CHCHD4: variants seen among roughly 807,000 people sequenced by gnomAD.
CHCHD4 encodes mitochondrial intermembrane space import and assembly protein 40.
CHCHD4 carries 7 observed loss-of-function variants against 12.4 expected under a neutral mutation model. That is an observed-to-expected ratio of 0.57 (90% confidence interval 0.32 to 1.06). The LOEUF is 1.06. CHCHD4 is among the 50% of genes least tolerant of loss of function. The pLI is 0.04. For missense variants in CHCHD4, 143 were observed against 175.1 expected (o/e 0.82, Z 1.03); for synonymous variants, 56 against 58.0 (o/e 0.97, Z 0.16).
chr3:14,120,383 C>T (rs1694920697), intron 1 of CHCHD4, among the ~76,000 whole-genome samples: 1 of 152,148 alleles, frequency 6.6e-6, no homozygotes, highest in Non-Finnish European at 1.5e-5. Flanking sequence ...CCCTGCACTC[C>T]AGCCACGCTG....
chr3:14,124,354 C>G (rs1251859621), intron 1 of CHCHD4, among the ~76,000 whole-genome samples: 2 of 152,198 alleles, frequency 1.3e-5, no homozygotes, highest in African/African-American at 4.8e-5. Flanking sequence ...GCAACGTGCT[C>G]GGCACTTCCC....
rs190925823 is a variant in CHCHD4 at position 14,114,263 on chromosome 3, G to A, written c.122-1069C>T. On this transcript the variant is annotated intron_variant, in intron 2 of 2. Transcript: ENST00000396914. ...CTTGTAAAATGGGGACAGCAAGGAC[G>A]ATGCCAACTAGTGCTGCCCCCTTAG... Among the ~76,000 whole-genome samples, 737 of 152,276 alleles carry A rather than the reference G, an allele frequency of 4.8e-3. 3 individuals carry two copies. The highest frequency in any genetic ancestry group is 8.6e-3 in the Non-Finnish European group (582 of 68,024).
chr3:14,113,526 T>C (rs1036093079), intron 2 of CHCHD4, among the ~76,000 whole-genome samples: 2 of 152,312 alleles, frequency 1.3e-5, no homozygotes, highest in East Asian at 3.9e-4. Flanking sequence ...GAGGAGCTTT[T>C]TGAAAGCCCA....
intron 2 of CHCHD4, 80 bp downstream of exon 2, chr3:14,116,346 A>G: frequency 9.8e-7 from 1 of 1,015,714 alleles, no homozygotes; most frequent in East Asian, 2.4e-5. Flanking sequence ...TGGCTAGGAA[A>G]ACATGGGAAA....
At chr3:14,115,691 C>T (rs749352946) in intron 2 of CHCHD4, among the ~76,000 whole-genome samples, 16 of 152,182 alleles carry the variant, frequency 1.1e-4, no homozygotes, top group Non-Finnish European at 1.8e-4. Context: ...ATTCTCGAGG[C>T]GGCTGCTTCA....
chr3:14,119,848 G>C lies in CHCHD4; in HGVS notation c.23-3324C>G, dbSNP rs190830181. Among the ~76,000 whole-genome samples the C allele has an allele frequency of 2.0e-5, 3 of 152,226 alleles. No individual in the cohort carries two copies. In the East Asian group the frequency reaches 5.8e-4, roughly 29 times the overall value. On this transcript the variant is annotated intron_variant, in intron 1 of 2. Transcript: ENST00000396914. ...CCTCAGAAACCAGGCCTTACCACCA[G>C]CTCCACCTACCTACCTCACGTGGTT...
chr3:14,112,673 G>C lies in CHCHD4; in HGVS notation c.*214C>G, dbSNP rs1694833460. 2 of 470,404 alleles carry C rather than the reference G, an allele frequency of 4.3e-6. No homozygotes were observed. The highest frequency in any genetic ancestry group is 7.4e-5 in the Admixed American group (2 of 26,880). 29.1% of individuals were successfully genotyped at this position (470,404 alleles called of 1,614,324 possible). A position where few individuals can be genotyped will look rare whatever the true frequency, so the allele number is the denominator to read the frequency against. Reference sequence around the variant, plus strand: ...TGAGAATTCAAAAGTGGCGGCCACAGGTTTGGGTAGGACACACATACATAC... The same window carrying C: ...TGAGAATTCAAAAGTGGCGGCCACACGTTTGGGTAGGACACACATACATAC... On this transcript the variant is annotated 3_prime_UTR_variant, in exon 3 of 3. Coordinates refer to ENST00000396914, the MANE Select transcript of CHCHD4 (RefSeq NM_001098502.2).
chr3:14,124,712 C>A lies in CHCHD4; in HGVS notation c.-36G>T. On this transcript the variant is annotated 5_prime_UTR_variant, in exon 1 of 3. Coordinates refer to ENST00000396914, the MANE Select transcript of CHCHD4 (RefSeq NM_001098502.2). Reference sequence around the variant, plus strand: ...CGTCCCTGAGACCTTGCAGAAGCGGCGGTGGCGGCAGCTGCACCTTTACGC... The same window carrying A: ...CGTCCCTGAGACCTTGCAGAAGCGGAGGTGGCGGCAGCTGCACCTTTACGC... 6.6e-7 allele frequency: 1 copy of A among 1,516,742 alleles called. No individual in the cohort carries two copies. The highest frequency in any genetic ancestry group is 8.8e-7 in the Non-Finnish European group (1 of 1,133,960). 94.0% of individuals were successfully genotyped at this position (1,516,742 alleles called of 1,614,324 possible). A position where few individuals can be genotyped will look rare whatever the true frequency, so the allele number is the denominator to read the frequency against.
Position 14,124,802 on chromosome 3 carries a change from A to C in CHCHD4, c.-126T>G, listed in dbSNP as rs1434915640. 1.7e-6 allele frequency: 2 copies of C among 1,157,598 alleles called. No homozygotes were observed. The highest frequency in any genetic ancestry group is 3.1e-5 in the African/African-American group (2 of 63,636). The allele number at this position is 1,157,598 out of a possible 1,614,324, so 71.7% of individuals were successfully genotyped here. A position where few individuals can be genotyped will look rare whatever the true frequency, so the allele number is the denominator to read the frequency against. ...AGCCCGCGCGGACCCGCCCCCTCCC[A>C]GGCCTGCCCGCCGCGCGCCTGCCTC... On this transcript the variant is annotated 5_prime_UTR_variant, in exon 1 of 3. Transcript: ENST00000396914.
chr3:14,120,650 G>A (rs536179138), intron 1 of CHCHD4, among the ~76,000 whole-genome samples: 1 of 152,188 alleles, frequency 6.6e-6, no homozygotes, highest in Non-Finnish European at 1.5e-5. Context: ...TGGAATGTCA[G>A]CTCCTCAGAG....
chr3:14,116,011 A>G (rs1574930870), intron 2 of CHCHD4, among the ~76,000 whole-genome samples: 1 of 152,118 alleles, frequency 6.6e-6, no homozygotes, highest in Non-Finnish European at 1.5e-5. Flanking sequence ...TGACCTTTTC[A>G]TGTAAGGTGC....
At chr3:14,121,321 A>G (rs1694931530) in intron 1 of CHCHD4, among the ~76,000 whole-genome samples, 1 of 152,220 alleles carries the variant, frequency 6.6e-6, no homozygotes, top group Non-Finnish European at 1.5e-5. Context: ...TTAATGTGCC[A>G]GTGTTTGTCC....
chr3:14,117,410 C>A (rs1385637642), intron 1 of CHCHD4, among the ~76,000 whole-genome samples: 2 of 152,204 alleles, frequency 1.3e-5, no homozygotes, highest in African/African-American at 4.8e-5. Context: ...CTTAGAGTGA[C>A]CCCCTATGAA....
rs938991177 is a variant in CHCHD4, at chr3:14,113,204, G to A, written c.122-10C>T. 1 of 1,587,062 alleles carries A rather than the reference G, an allele frequency of 6.3e-7. No homozygotes were observed. Among genetic ancestry groups the A allele is most frequent in the African/African-American group, 1.3e-5 (1 of 74,162 alleles). Reference sequence around the variant, plus strand: ...TTTGGCAGTATCAATCCTAGAACAGGAAGATAGAGAGATGTTCTCTAAAGT... The same window carrying A: ...TTTGGCAGTATCAATCCTAGAACAGAAAGATAGAGAGATGTTCTCTAAAGT... On this transcript the variant is annotated splice_polypyrimidine_tract_variant and intron_variant, in intron 2 of 2. Transcript: ENST00000396914.
chr3:14,118,977 A>G (rs2124977049), intron 1 of CHCHD4, among the ~76,000 whole-genome samples: 1 of 152,340 alleles, frequency 6.6e-6, no homozygotes, highest in South Asian at 2.1e-4. Context: ...TTTGCCATAC[A>G]TAGAGAGACC....
chr3:14,118,898 G>A (rs1327533795), intron 1 of CHCHD4, among the ~76,000 whole-genome samples: 1 of 152,346 alleles, frequency 6.6e-6, no homozygotes, highest in African/African-American at 2.4e-5. Flanking sequence ...GCAGCCCAAC[G>A]GGGAGGCCCA....
intron 1 of CHCHD4, among the ~76,000 whole-genome samples, chr3:14,120,104 C>A (rs1057319025): frequency 6.6e-6 from 1 of 152,158 alleles, no homozygotes; most frequent in Non-Finnish European, 1.5e-5. Flanking sequence ...TCAGTCCCCA[C>A]CCCAGAACCT....
chr3:14,122,306 A>G (rs1314830317), intron 1 of CHCHD4, among the ~76,000 whole-genome samples: 2 of 152,200 alleles, frequency 1.3e-5, no homozygotes, highest in Non-Finnish European at 2.9e-5. Flanking sequence ...TGATGTTTTA[A>G]TGGCAATCTG....
chr3:14,113,760 T>C (rs1040335264), intron 2 of CHCHD4, among the ~76,000 whole-genome samples: 1 of 152,232 alleles, frequency 6.6e-6, no homozygotes, highest in Non-Finnish European at 1.5e-5. Context: ...AATGAGAAGC[T>C]GGTGGCATAC....
Sources: allele counts gnomAD v4.1 joint callset (sites outside exome capture counted in the v4.1 genomes callset), GRCh38; gene constraint gnomAD v4.1.1; transcripts MANE v1.5; gene names NCBI Gene and HGNC (gene_info 2026-07-23, HGNC 2026-07-21).